Variants in BRIX1 observed in about 807,000 individuals in gnomAD.
BRIX1 encodes the protein ribosome biogenesis protein BRX1 homolog.
A neutral mutation model predicts 44.0 loss-of-function variants in BRIX1; 15 were observed. The observed-to-expected ratio is 0.34, with a 90% CI of 0.23 to 0.53. The LOEUF is 0.53. Ranked by LOEUF, BRIX1 falls within the 20% of genes least tolerant of loss-of-function variation. The pLI is 0.95. For missense variants in BRIX1, 420 were observed against 432.8 expected (o/e 0.97, Z 0.26); for synonymous variants, 149 against 135.4 (o/e 1.10, Z -0.70).
chr5:34,922,071 TGTGAA>T (rs1267713444), intron 3 of BRIX1, 141 bp from the exon 4 acceptor site: 5 of 447,504 alleles, frequency 1.1e-5, no homozygotes. Flanking sequence ...AGGTTCCTTC[TGTGAA>T]TAAATACATG....
At chr5:34,917,942 A>T (rs1764152455) in intron 1 of BRIX1, 1 of 152,916 alleles carries the variant, frequency 6.5e-6, no homozygotes, top group South Asian at 2.1e-4. Flanking sequence ...AGATGTGGTC[A>T]GTGAATGTTG....
chr5:34,922,806 TA>T, intron 6 of BRIX1, 38 bp downstream of exon 6: 2 of 1,565,258 alleles, frequency 1.3e-6, no homozygotes, highest in South Asian at 2.3e-5. Context: ...CTAATTTTCT[TA>T]TCTGGCATGG....
chr5:34,922,496 A>C (rs1357597548), intron 4 of BRIX1, 43 bp from the exon 5 acceptor site: 1 of 1,273,408 alleles, frequency 7.9e-7, no homozygotes, highest in Non-Finnish European at 1.1e-6. Flanking sequence ...AGCATTGACT[A>C]CATTTGCTAA....
At chr5:34,921,566 G>A (rs1764237159) in intron 3 of BRIX1, 1 of 152,106 alleles carries the variant, frequency 6.6e-6, no homozygotes, top group Admixed American at 6.5e-5. Context: ...TTATCCGTAG[G>A]GCATCTATTT....
At chr5:34,918,323 T>G (rs772780448) in intron 1 of BRIX1, 41 bp from the exon 2 acceptor site, 28 of 1,044,524 alleles carry the variant, frequency 2.7e-5, no homozygotes, top group Non-Finnish European at 3.6e-5. Context: ...ATCAGTTCAG[T>G]ATAAGATTTT....
In BRIX1 at chr5:34,915,903, A is replaced by C. The variant is rs1228342174; in HGVS notation, c.159+6A>C. On this transcript the variant is annotated splice_donor_region_variant and intron_variant, in intron 1 of 9. Transcript: ENST00000336767. Reference sequence around the variant, plus strand: ...TCCCAGGCCCCGTTTGCAAGGTAGGAGGGGATGTCCCCGGGCTACACCTGC... The same window carrying C: ...TCCCAGGCCCCGTTTGCAAGGTAGGCGGGGATGTCCCCGGGCTACACCTGC... 2 of 1,547,690 alleles carry C rather than the reference A, an allele frequency of 1.3e-6. No homozygotes were observed. Among genetic ancestry groups the C allele is most frequent in the Admixed American group, 4.0e-5 (2 of 49,408 alleles).
intron 1 of BRIX1, chr5:34,918,163 A>C: frequency 2.9e-6 from 1 of 348,730 alleles, no homozygotes; most frequent in Non-Finnish European, 5.2e-6. Context: ...AAAAAAAACT[A>C]GCTGGACATG....
rs201084578 is a variant in BRIX1 at position 34,918,501 on chromosome 5, A to G, written c.271+26A>G. On this transcript the variant is annotated intron_variant, in intron 2 of 9. Coordinates refer to ENST00000336767, the MANE Select transcript of BRIX1 (RefSeq NM_018321.4). ...GTGCCTTTATATCATATACTTTAGA[A>G]ATTTCTATCTATAAACTTACCTATT... The G allele has an allele frequency of 1.7e-3, 2,209 of 1,297,882 alleles. 5 individuals are homozygous for G. Among genetic ancestry groups the G allele is most frequent in the Middle Eastern group, 2.1e-3 (11 of 5,158 alleles). The allele number at this position is 1,297,882 out of a possible 1,614,324, so 80.4% of individuals were successfully genotyped here.
chr5:34,918,892 A>C (rs1764177335), intron 2 of BRIX1: 3 of 147,728 alleles, frequency 2.0e-5, no homozygotes, highest in Non-Finnish European at 4.4e-5. Context: ...TTTAAGTTGG[A>C]GTCAGAGCCT....
chr5:34,922,177 A>T, intron 3 of BRIX1, 40 bp from the exon 4 acceptor site: 1 of 1,152,060 alleles, frequency 8.7e-7, no homozygotes. Flanking sequence ...GTTCTCATTT[A>T]TATTATCTAC....
chr5:34,924,363 A>C (rs1402077474), intron 8 of BRIX1, among the ~76,000 whole-genome samples: 1 of 152,224 alleles, frequency 6.6e-6, no homozygotes, highest in Admixed American at 6.5e-5. Flanking sequence ...AGATAACATA[A>C]ATATTTGTTG....
chr5:34,925,796 G>T lies in BRIX1; in HGVS notation c.*301G>T. The T allele has an allele frequency of 3.9e-6, 1 of 254,202 alleles. No homozygotes were observed. The allele number at this position is 254,202 out of a possible 1,614,324, so 15.7% of individuals were successfully genotyped here. A position where few individuals can be genotyped will look rare whatever the true frequency, so the allele number is the denominator to read the frequency against. On this transcript the variant is annotated 3_prime_UTR_variant, in exon 10 of 10. Transcript: ENST00000336767. ...AAAGCTGAAATTCAGACATTTATTA[G>T]GTCATATTATTTGTAAAAGCATTCA...
rs143239489 is a variant in BRIX1 at position 34,922,705 on chromosome 5, C to G, written c.447C>G (p.Leu149=). 2.1e-4 allele frequency: 337 copies of G among 1,613,506 alleles called. 1 individual carries two copies. The highest frequency in any genetic ancestry group is 3.1e-4 in the East Asian group (14 of 44,864). The change falls in exon 6 of 10, where the codon CTC becomes CTG. Residue 149 remains leucine (L), a synonymous_variant. Transcript: ENST00000336767. ...AKFLVQNIHT[L]AELKMTGNCL... ...TTGTAATTTTTCTAGTTCATACCCTCGCTGAACTGAAGATGACTGGAAACT... is the reference window on the plus strand; with the variant it reads ...TTGTAATTTTTCTAGTTCATACCCTGGCTGAACTGAAGATGACTGGAAACT...
rs767244827 is a variant in BRIX1, at chr5:34,925,315, G to A, written c.882G>A (p.Pro294=). 39 of 1,612,946 alleles carry A rather than the reference G, an allele frequency of 2.4e-5. No homozygotes were observed. Among genetic ancestry groups the A allele is most frequent in the South Asian group, 1.6e-4 (15 of 91,044 alleles). ...KDVQKLRKKE[P]KTLLPHDPTA... Reference sequence around the variant, plus strand: ...TGCAAAAACTGAGAAAGAAAGAGCCGAAGACTCTTCTTCCACATGATCCCA... The same window carrying A: ...TGCAAAAACTGAGAAAGAAAGAGCCAAAGACTCTTCTTCCACATGATCCCA... The change falls in exon 10 of 10, where the codon CCG becomes CCA. Residue 294 remains proline, a synonymous_variant. Coordinates refer to ENST00000336767, the MANE Select transcript of BRIX1 (RefSeq NM_018321.4).
rs757588386 is a variant in BRIX1 at position 34,922,523 on chromosome 5, A to T, written c.387-16A>T. ...ATTTGCTAATTAGTTGAAAAAGCTT[A>T]CTCCATATCTTTCAGGCTTTCAAAT... On this transcript the variant is annotated splice_polypyrimidine_tract_variant and intron_variant, in intron 4 of 9. Transcript: ENST00000336767. The T allele has an allele frequency of 1.3e-6, 2 of 1,568,248 alleles. No individual in the cohort carries two copies. The highest frequency in any genetic ancestry group is 1.8e-6 in the Non-Finnish European group (2 of 1,139,906).
chr5:34,916,028 A>G (rs560147845), intron 1 of BRIX1, 131 bp downstream of exon 1: 13 of 1,087,036 alleles, frequency 1.2e-5, no homozygotes, highest in South Asian at 8.9e-5. Context: ...GGTTTTAGCA[A>G]TTCTCCCGGC....
chr5:34,924,846 GATC>G lies in BRIX1; in HGVS notation c.666_668del (p.Ile223del). On this transcript the variant is annotated inframe_deletion and splice_region_variant, in exon 9 of 10. Coordinates refer to ENST00000336767, the MANE Select transcript of BRIX1 (RefSeq NM_018321.4). ...AATGAAATGTTTCCTTTTTATTAAA[GATC>G]ATAGAAGAAGATGCTGCTCTTGTAG... 6.3e-7 allele frequency: 1 copy of G among 1,594,366 alleles called. No individual in the cohort carries two copies. Among genetic ancestry groups the G allele is most frequent in the Non-Finnish European group, 8.6e-7 (1 of 1,163,092 alleles).
At chr5:34,916,158 G>A (rs993133031) in intron 1 of BRIX1, 144 of 355,908 alleles carry the variant, frequency 4.0e-4, no homozygotes, top group Non-Finnish European at 1.7e-4. Context: ...CTCAGATCCA[G>A]CGTTCTTTCT....
In BRIX1 at chr5:34,924,724, A is replaced by AC. The variant is rs1764315104; in HGVS notation, c.664-118dup. 3.1e-5 allele frequency: 18 copies of AC among 588,520 alleles called. 1 individual carries two copies. The highest frequency in any genetic ancestry group is 8.6e-5 in the Admixed American group (3 of 35,038). 36.5% of individuals were successfully genotyped at this position (588,520 alleles called of 1,614,324 possible). On this transcript the variant is annotated intron_variant, in intron 8 of 9. Coordinates refer to ENST00000336767, the MANE Select transcript of BRIX1 (RefSeq NM_018321.4). ...GATGATTTGCCATTTACCAAGTTTC[A>AC]CCCCCACCTTGATTTTATGGATTAT... is the stretch of plus-strand genomic sequence containing the variant.
Sources: allele counts gnomAD v4.1 joint callset (sites outside exome capture counted in the v4.1 genomes callset), GRCh38; gene constraint gnomAD v4.1.1; transcripts MANE v1.5; gene names NCBI Gene and HGNC (gene_info 2026-07-23, HGNC 2026-07-21).